The following CFAP77 variants were observed in gnomAD, a reference collection of about 807,000 sequenced individuals.
CFAP77 encodes the protein cilia- and flagella-associated protein 77.
Under a neutral mutation model 31.1 loss-of-function variants are expected in CFAP77, and 25 were observed. The observed-to-expected ratio is 0.80, with a 90% CI of 0.59 to 1.12. The LOEUF is 1.12. CFAP77 is among the 50% of genes most tolerant of loss of function. The pLI is 0.00. For missense variants in CFAP77, 377 were observed against 397.3 expected, an observed-to-expected ratio of 0.95 and a Z score of 0.44; for synonymous variants, 151 against 159.9, an observed-to-expected ratio of 0.94 and a Z score of 0.42.
intron 3 of CFAP77, among the ~76,000 whole-genome samples, chr9:132,513,691 G>A (rs546764334): frequency 6.6e-6 from 1 of 152,186 alleles, no homozygotes; most frequent in South Asian, 2.1e-4. Flanking sequence ...GGTGTTTCTC[G>A]TGTCCCCCCA....
intron 5 of CFAP77, among the ~76,000 whole-genome samples, chr9:132,569,656 C>G (rs1829929362): frequency 6.6e-6 from 1 of 151,536 alleles, no homozygotes; most frequent in Admixed American, 6.6e-5. Flanking sequence ...GCCGGCTGGA[C>G]ACCAGGGTGG....
chr9:132,457,697 G>A (rs1019602844), intron 1 of CFAP77, among the ~76,000 whole-genome samples: 2 of 152,214 alleles, frequency 1.3e-5, no homozygotes, highest in African/African-American at 4.8e-5. Context: ...GGGCCGTGGG[G>A]AGCGTTCCGC....
chr9:132,518,352 A>G (rs1852186241), intron 3 of CFAP77, among the ~76,000 whole-genome samples: 1 of 152,178 alleles, frequency 6.6e-6, no homozygotes, highest in Non-Finnish European at 1.5e-5. Context: ...TGGATCATTC[A>G]GACCCGCCTT....
chr9:132,416,655 T>TTC (rs1850106867), intron 1 of CFAP77, among the ~76,000 whole-genome samples: 1 of 150,918 alleles, frequency 6.6e-6, no homozygotes, highest in African/African-American at 2.4e-5. Flanking sequence ...TTTTTTTTTT[T>TTC]TGAGACGGAG....
intron 1 of CFAP77, among the ~76,000 whole-genome samples, chr9:132,417,446 T>C (rs1850124537): frequency 6.6e-6 from 1 of 152,186 alleles, no homozygotes; most frequent in Non-Finnish European, 1.5e-5. Flanking sequence ...ACAAAAGATA[T>C]CGAAATAGGT....
intron 1 of CFAP77, among the ~76,000 whole-genome samples, chr9:132,411,263 T>C (rs1387507416): frequency 6.6e-6 from 1 of 152,100 alleles, no homozygotes; most frequent in Non-Finnish European, 1.5e-5. Flanking sequence ...CAGTGCGCCT[T>C]TAAAAATGCG....
rs1851495683 is a variant in CFAP77, at chr9:132,483,970, T to G, written c.196-14725T>G. On this transcript the variant is annotated intron_variant, in intron 1 of 5. Transcript: ENST00000393216. ...TTTTTTTTTTGAGACACATTCTCAC[T>G]CTGTTGCTCAGGCTGGAGTGCAGTG... Among the ~76,000 whole-genome samples, 8 of 146,938 alleles carry G rather than the reference T, an allele frequency of 5.4e-5. No individual in the cohort carries two copies. In the South Asian group the frequency reaches 1.8e-3, roughly 33 times the overall value.
chr9:132,489,298 C>T lies in CFAP77; in HGVS notation c.196-9397C>T, dbSNP rs1589882471. On this transcript the variant is annotated intron_variant, in intron 1 of 5. Transcript: ENST00000393216. ...AGGGGTCTCTTCTCTTTTTGAGCCT[C>T]GACTCCTTGCTAGTTCAGTGGGGAT... Among the ~76,000 whole-genome samples, 4 of 152,144 alleles carry T rather than the reference C, an allele frequency of 2.6e-5. 1 individual carries two copies. Among genetic ancestry groups the T allele is most frequent in the South Asian group, 4.2e-4 (2 of 4,816 alleles).
chr9:132,496,073 T>C (rs781008694), intron 1 of CFAP77, among the ~76,000 whole-genome samples: 4 of 152,204 alleles, frequency 2.6e-5, no homozygotes, highest in Non-Finnish European at 4.4e-5. Context: ...TTTATTAGCA[T>C]CTATTCTACA....
chr9:132,502,377 T>C (rs515721), intron 3 of CFAP77, among the ~76,000 whole-genome samples: 17,165 of 151,952 alleles, frequency 0.11, 1,161 homozygotes, highest in African/African-American at 0.19. Flanking sequence ...CATTTTTAAG[T>C]ATACAATTCA....
chr9:132,502,835 G>A (rs541266408), intron 3 of CFAP77, among the ~76,000 whole-genome samples: 38 of 152,198 alleles, frequency 2.5e-4, no homozygotes, highest in African/African-American at 8.7e-4. Context: ...GTGGGATTGC[G>A]GGATCAGGTG....
chr9:132,550,396 C>CA (rs1693985585), intron 5 of CFAP77, among the ~76,000 whole-genome samples: 1 of 152,102 alleles, frequency 6.6e-6, no homozygotes, highest in Non-Finnish European at 1.5e-5. Flanking sequence ...GGGGGGTCCC[C>CA]AATTTCTTCT....
At position 132,455,729 on chromosome 9, in the gene CFAP77, AAAAAC is replaced by A. The variant is rs748805934; in HGVS notation, c.196-42951_196-42947del. 4.1e-4 allele frequency among the ~76,000 whole-genome samples: 62 copies of A among 152,112 alleles called. No individual in the cohort carries two copies. The highest frequency in any genetic ancestry group is 5.3e-4 in the Non-Finnish European group (36 of 68,026). Reference sequence around the variant, plus strand: ...CTGGGTGACAGAGCAAGACTGTCTCAAAAACAAAACAAAACAAAAAAGCAAAACGA... The same window carrying A: ...CTGGGTGACAGAGCAAGACTGTCTCAAAAACAAAACAAAAAAGCAAAACGA... On this transcript the variant is annotated intron_variant, in intron 1 of 5. Transcript: ENST00000393216. This position sits in a 1 kb window ranked among gnomAD's most constrained non-coding sequence, Gnocchi z 4.1.
chr9:132,546,495 G>A (rs1434735999), intron 5 of CFAP77, among the ~76,000 whole-genome samples: 1 of 152,156 alleles, frequency 6.6e-6, no homozygotes, highest in East Asian at 1.9e-4. Flanking sequence ...GCTGAACTCT[G>A]TCAGAAATAA....
At chr9:132,419,344 G>A (rs532218674) in intron 1 of CFAP77, among the ~76,000 whole-genome samples, 2 of 152,170 alleles carry the variant, frequency 1.3e-5, no homozygotes, top group African/African-American at 2.4e-5. Context: ...AGGACACACC[G>A]CTGCCAGGTG....
intron 1 of CFAP77, among the ~76,000 whole-genome samples, chr9:132,465,806 A>G (rs1250563470): frequency 6.6e-6 from 1 of 152,182 alleles, no homozygotes; most frequent in African/African-American, 2.4e-5. Flanking sequence ...CTTGTCCCCA[A>G]CACTTCATGG....
chr9:132,456,894 G>A (rs1850925719), intron 1 of CFAP77, among the ~76,000 whole-genome samples: 1 of 152,026 alleles, frequency 6.6e-6, no homozygotes, highest in African/African-American at 2.4e-5. Flanking sequence ...GGGACTACAA[G>A]TGTGCACCAC....
intron 1 of CFAP77, among the ~76,000 whole-genome samples, chr9:132,453,193 C>T (rs1400198978): frequency 1.3e-5 from 2 of 152,106 alleles, no homozygotes; most frequent in Non-Finnish European, 2.9e-5. Flanking sequence ...AACAGTGATT[C>T]CTAAAATCCT....
rs953330950 is a variant in CFAP77 at position 132,495,044 on chromosome 9, T to C, written c.196-3651T>C. Among the ~76,000 whole-genome samples, 5 of 152,242 alleles carry C rather than the reference T, an allele frequency of 3.3e-5. No individual in the cohort carries two copies. The highest frequency in any genetic ancestry group is 3.3e-4 in the Admixed American group (5 of 15,290). On this transcript the variant is annotated intron_variant, in intron 1 of 5. Coordinates refer to ENST00000393216, the MANE Select transcript of CFAP77 (RefSeq NM_001282957.2). This position sits in a 1 kb window ranked among gnomAD's most constrained non-coding sequence, Gnocchi z 4.2. ...ACTGCCATTGCTTAACTGTACTTTTTGCAAGACAGTGAATTTCATAAGAGC... is the reference window on the plus strand; with the variant it reads ...ACTGCCATTGCTTAACTGTACTTTTCGCAAGACAGTGAATTTCATAAGAGC...
Sources: gnomAD v4.1 joint callset for allele counts (sites outside exome capture counted in the v4.1 genomes callset) on GRCh38, gnomAD v4.1.1 for gene constraint, Gnocchi (gnomAD v3.1) non-coding constraint, MANE v1.5 for transcripts, NCBI Gene and HGNC (gene_info 2026-07-23, HGNC 2026-07-21) for gene names.